Variants in UBR4 observed in about 807,000 individuals in gnomAD.
UBR4 encodes the protein E3 ubiquitin-protein ligase UBR4.
UBR4 carries 124 observed loss-of-function variants against 575.6 expected under a neutral mutation model. The observed-to-expected ratio is 0.22, with a 90% CI of 0.19 to 0.25. The LOEUF (loss-of-function observed/expected upper bound fraction) is 0.25. Among genes scored for constraint, UBR4 ranks in the 10% least tolerant of loss-of-function variants. The pLI is 1.00. For missense variants in UBR4, 4,818 were observed against 6,478.8 expected, an observed-to-expected ratio of 0.74 and a Z score of 8.80; for synonymous variants, 2,455 against 2,473.7, an observed-to-expected ratio of 0.99 and a Z score of 0.22.
In UBR4 at chr1:19,186,193, A is replaced by G. The variant is rs57395829; in HGVS notation, c.1750+347T>C. Among the ~76,000 whole-genome samples, 341 of 152,320 alleles carry G rather than the reference A, an allele frequency of 2.2e-3. 1 individual carries two copies. The highest frequency in any genetic ancestry group is 7.9e-3 in the African/African-American group (330 of 41,556). On this transcript the variant is annotated intron_variant, in intron 14 of 105. Coordinates refer to ENST00000375254, the MANE Select transcript of UBR4 (RefSeq NM_020765.3). ...ATAACATCCAAACCGAACACCTCAC[A>G]TGTGACCTTTTGAGTTTCACTGAGA...
At chr1:19,196,572 C>T (rs956548196) in intron 8 of UBR4, among the ~76,000 whole-genome samples, 1 of 152,190 alleles carries the variant, frequency 6.6e-6, no homozygotes, top group African/African-American at 2.4e-5. Context: ...TCAGGCCCTG[C>T]TTCAAAGGCA....
At chr1:19,131,813 T>C (rs1044900521) in intron 60 of UBR4, among the ~76,000 whole-genome samples, 2 of 152,232 alleles carry the variant, frequency 1.3e-5, no homozygotes, top group East Asian at 3.9e-4. Flanking sequence ...GCAGAGGTTG[T>C]AGTGAGCCAA....
intron 67 of UBR4, 121 bp downstream of exon 67, chr1:19,121,813 G>T: frequency 8.5e-7 from 1 of 1,178,192 alleles, no homozygotes; most frequent in Non-Finnish European, 1.2e-6. Context: ...ACAGAGTTCT[G>T]TCTAGTCTAT....
rs534688684 is a variant in UBR4, at chr1:19,121,280, G to A, written c.10050C>T (p.Ala3350=). The change falls in exon 68 of 106, where the codon GCC becomes GCT. Residue 3350 remains alanine, a synonymous_variant. Coordinates refer to ENST00000375254, the MANE Select transcript of UBR4 (RefSeq NM_020765.3). ...CTTGTCCAGAACTGGCAGCCACAGG[G>A]GCTGAGGAGGAAGAAGCACTGGAGG... is the stretch of plus-strand genomic sequence containing the variant. ...SGSSSASSSS[A]PVAASSGQAT... is the part of the protein sequence containing the mutation. 11 of 1,614,192 alleles carry A rather than the reference G, an allele frequency of 6.8e-6. No individual in the cohort carries two copies. The East Asian group carries it at 2.2e-4, about 33-fold the overall frequency.
At chr1:19,094,438 C>T (rs1465352224) in intron 94 of UBR4, among the ~76,000 whole-genome samples, 1 of 152,120 alleles carries the variant, frequency 6.6e-6, no homozygotes, top group Non-Finnish European at 1.5e-5. Flanking sequence ...TAGCTCTAGC[C>T]AAATCATTAG....
chr1:19,166,000 G>A lies in UBR4; in HGVS notation c.4110-243C>T, dbSNP rs369673904. 3.0e-4 allele frequency among the ~76,000 whole-genome samples: 46 copies of A among 152,322 alleles called. 1 individual carries two copies. The South Asian group carries it at 9.3e-3, about 31-fold the overall frequency. On this transcript the variant is annotated intron_variant, in intron 29 of 105. Coordinates refer to ENST00000375254, the MANE Select transcript of UBR4 (RefSeq NM_020765.3). ...TTCATTAGGAAGATGAACAGGAAAG[G>A]CATCTAAAGCTCAGTCCTAATCCAG... is the stretch of plus-strand genomic sequence containing the variant.
chr1:19,143,839 G>A (rs1193995248), intron 55 of UBR4, 141 bp downstream of exon 55: 6 of 612,398 alleles, frequency 9.8e-6, no homozygotes, highest in Non-Finnish European at 1.7e-5. Flanking sequence ...TTTATGGGGT[G>A]AGGTAGGATT....
chr1:19,177,790 C>T (rs778508356), intron 18 of UBR4, 47 bp from the exon 19 acceptor site: 1 of 1,580,760 alleles, frequency 6.3e-7, no homozygotes, highest in Non-Finnish European at 8.6e-7. Context: ...AAAGAGCATT[C>T]CCCAGGAGTT....
At position 19,106,698 on chromosome 1, in the gene UBR4, G is replaced by C; in HGVS notation, c.12264C>G (p.Ser4088Arg). The C allele has an allele frequency of 1.2e-6, 2 of 1,604,946 alleles. No individual in the cohort carries two copies. The highest frequency in any genetic ancestry group is 1.7e-6 in the Non-Finnish European group (2 of 1,174,980). ...RGIDGNGKAPSKSELRHLYLT... is the reference protein window; with the variant it reads ...RGIDGNGKAPRKSELRHLYLT... ...AATAGAGATGGCGGAGCTCTGATTT[G>C]CTGGGGGCTTTCCCATTGCCATCTA... The change falls in exon 83 of 106, where the codon AGC becomes AGG. Residue 4088 changes from serine to arginine, a missense_variant. Physicochemically the swap from Ser to Arg is moderately radical, Grantham distance 110 (BLOSUM62 -1). Coordinates refer to ENST00000375254, the MANE Select transcript of UBR4 (RefSeq NM_020765.3).
At chr1:19,104,731 C>T in intron 85 of UBR4, 65 bp from the exon 86 acceptor site, 1 of 1,522,480 alleles carries the variant, frequency 6.6e-7, no homozygotes, top group Non-Finnish European at 9.1e-7. Flanking sequence ...ACCTCCACCA[C>T]TGTCCCAGGA....
chr1:19,164,203 A>G, intron 33 of UBR4, 50 bp downstream of exon 33: 1 of 1,564,448 alleles, frequency 6.4e-7, no homozygotes, highest in South Asian at 1.2e-5. Flanking sequence ...AAAGTAACCC[A>G]CTTCTCAAGA....
Position 19,110,902 on chromosome 1 carries a change from G to T in UBR4, c.11802-70C>A. The T allele has an allele frequency of 6.8e-7, 1 of 1,469,416 alleles. No homozygotes were observed. Among genetic ancestry groups the T allele is most frequent in the Non-Finnish European group, 9.3e-7 (1 of 1,075,646 alleles). 91.0% of individuals were successfully genotyped at this position (1,469,416 alleles called of 1,614,324 possible). ...TGTGACACTCCTTTCCACCTGAAGG[G>T]GCCCAGGGAAAATGAAATCAATGTC... On this transcript the variant is annotated intron_variant, in intron 78 of 105. Transcript: ENST00000375254. This position sits in a 1 kb window ranked among gnomAD's most constrained non-coding sequence, Gnocchi z 4.5.
rs35207412 is a variant in UBR4 at position 19,177,542 on chromosome 1, C to T, written c.2556G>A (p.Pro852=). The T allele has an allele frequency of 6.0e-5, 97 of 1,613,756 alleles. No homozygotes were observed. The highest frequency in any genetic ancestry group is 6.4e-5 in the Non-Finnish European group (75 of 1,180,002). Residue 852 remains proline, a synonymous_variant, in exon 19 of 106, where the codon CCG becomes CCA. Transcript: ENST00000375254. ...TGAGAAGGAGGCGAGCCAAGATAAG[C>T]GGCACGAAGCGCATCTGAGCATCCA... The part of the protein sequence containing the change: ...VNMDAQMRFV[P]LILARLLLIF...
chr1:19,136,059 G>A (rs911991069), intron 60 of UBR4, among the ~76,000 whole-genome samples: 8 of 152,092 alleles, frequency 5.3e-5, no homozygotes, highest in East Asian at 1.9e-4. Flanking sequence ...TGGGGAGGTC[G>A]GGGGTGCTGC....
chr1:19,195,314 A>G (rs376929588), intron 8 of UBR4, among the ~76,000 whole-genome samples: 4 of 149,522 alleles, frequency 2.7e-5, no homozygotes, highest in African/African-American at 9.9e-5. Context: ...AATTTCAAAA[A>G]ATTAAAAATA....
intron 28 of UBR4, among the ~76,000 whole-genome samples, 186 bp downstream of exon 28, chr1:19,167,841 T>C (rs1397604932): frequency 6.6e-6 from 1 of 152,240 alleles, no homozygotes; most frequent in Admixed American, 6.5e-5. Context: ...AAGTACTCTA[T>C]TGTCTTTCAG....
intron 8 of UBR4, among the ~76,000 whole-genome samples, chr1:19,194,505 AAAAT>A (rs1250975245): frequency 2.6e-5 from 4 of 152,170 alleles, no homozygotes; most frequent in East Asian, 1.9e-4. Flanking sequence ...AAAAGTAATA[AAAAT>A]AAATAATTAA....
chr1:19,091,770 A>C (rs748356776), intron 97 of UBR4, among the ~76,000 whole-genome samples: 3 of 152,240 alleles, frequency 2.0e-5, no homozygotes, highest in Non-Finnish European at 2.9e-5. Flanking sequence ...TCTTATAAAC[A>C]AAATATGCAA....
intron 8 of UBR4, among the ~76,000 whole-genome samples, chr1:19,194,789 G>A (rs924591501): frequency 2.0e-5 from 3 of 151,902 alleles, no homozygotes; most frequent in African/African-American, 4.8e-5. Context: ...GCAAAAGAGC[G>A]AAATGCCATC....
Sources: gnomAD v4.1 joint callset for allele counts (sites outside exome capture counted in the v4.1 genomes callset) on GRCh38, gnomAD v4.1.1 for gene constraint, Gnocchi (gnomAD v3.1) non-coding constraint, MANE v1.5 for transcripts, NCBI Gene and HGNC (gene_info 2026-07-23, HGNC 2026-07-21) for gene names.